The following HS3ST2 variants were observed in gnomAD, a reference collection of about 807,000 sequenced individuals.
HS3ST2 encodes heparan sulfate glucosamine 3-O-sulfotransferase 2.
A neutral mutation model predicts 26.3 loss-of-function variants in HS3ST2; 17 were observed. That is an observed-to-expected ratio of 0.65 (90% CI 0.44 to 0.97). HS3ST2 has a LOEUF of 0.97. HS3ST2 is among the 50% of genes least tolerant of loss of function. The probability of loss-of-function intolerance (pLI) is 0.00; values close to 1 mark genes in which losing one functional copy is unlikely to be tolerated. For missense variants in HS3ST2, 402 were observed against 501.2 expected, an observed-to-expected ratio of 0.80 and a Z score of 1.89; for synonymous variants, 237 against 219.2, an observed-to-expected ratio of 1.08 and a Z score of -0.72.
chr16:22,856,217 G>A (rs1244279429), intron 1 of HS3ST2, among the ~76,000 whole-genome samples: 1 of 152,156 alleles, frequency 6.6e-6, no homozygotes, highest in Non-Finnish European at 1.5e-5. Flanking sequence ...TACCTAAGGG[G>A]CCCAAGTTAC....
At chr16:22,889,368 T>C (rs1288216156) in intron 1 of HS3ST2, among the ~76,000 whole-genome samples, 1 of 152,178 alleles carries the variant, frequency 6.6e-6, no homozygotes, top group African/African-American at 2.4e-5. Context: ...TATTTAATCA[T>C]ATAAGTCATT....
intron 1 of HS3ST2, among the ~76,000 whole-genome samples, chr16:22,873,193 C>G (rs775967008): frequency 6.6e-6 from 1 of 152,186 alleles, no homozygotes; most frequent in Non-Finnish European, 1.5e-5. Flanking sequence ...AACTTCGGAG[C>G]TAGCAGAGTG....
At chr16:22,846,751 A>G (rs1253912142) in intron 1 of HS3ST2, among the ~76,000 whole-genome samples, 1 of 152,148 alleles carries the variant, frequency 6.6e-6, no homozygotes, top group Non-Finnish European at 1.5e-5. Flanking sequence ...AACCCCAGAG[A>G]TCCACTCCTA....
intron 1 of HS3ST2, among the ~76,000 whole-genome samples, chr16:22,842,648 C>T (rs1428564743): frequency 1.3e-5 from 2 of 152,122 alleles, no homozygotes; most frequent in Non-Finnish European, 2.9e-5. Flanking sequence ...AAATTCTCAG[C>T]CATCATCTTT....
chr16:22,826,361 T>G (rs2141176533), intron 1 of HS3ST2, among the ~76,000 whole-genome samples: 1 of 152,210 alleles, frequency 6.6e-6, no homozygotes, highest in South Asian at 2.1e-4. Context: ...GTCTGGCTAC[T>G]TCTCATCATG....
At chr16:22,835,269 A>G (rs913839867) in intron 1 of HS3ST2, among the ~76,000 whole-genome samples, 19 of 151,282 alleles carry the variant, frequency 1.3e-4, no homozygotes, top group Non-Finnish European at 2.1e-4. Flanking sequence ...CCTCTGAGGT[A>G]GAAGTTATAT....
intron 1 of HS3ST2, among the ~76,000 whole-genome samples, chr16:22,864,632 T>C (rs1901723160): frequency 6.6e-6 from 1 of 151,998 alleles, no homozygotes; most frequent in South Asian, 2.1e-4. Context: ...CCAGAGTATA[T>C]CTATCTTAGT....
At chr16:22,848,845 A>T (rs867455900) in intron 1 of HS3ST2, among the ~76,000 whole-genome samples, 1 of 152,182 alleles carries the variant, frequency 6.6e-6, no homozygotes, top group East Asian at 1.9e-4. Context: ...CTGACACCGT[A>T]CCATGCATGG....
intron 1 of HS3ST2, among the ~76,000 whole-genome samples, chr16:22,852,758 C>T (rs1040993506): frequency 6.6e-6 from 1 of 152,296 alleles, no homozygotes; most frequent in South Asian, 2.1e-4. Flanking sequence ...CTTGACTCTC[C>T]AGCCCTAAGG....
chr16:22,816,224 A>G (rs777981176), intron 1 of HS3ST2, among the ~76,000 whole-genome samples: 4 of 152,264 alleles, frequency 2.6e-5, no homozygotes, highest in African/African-American at 9.6e-5. Context: ...AAGACTTTCT[A>G]GAAACATCTG....
At chr16:22,845,824 C>G (rs111714108) in intron 1 of HS3ST2, among the ~76,000 whole-genome samples, 1 of 152,158 alleles carries the variant, frequency 6.6e-6, no homozygotes, top group Non-Finnish European at 1.5e-5. Flanking sequence ...GCAAATGCAA[C>G]TTCTGGTAAA....
At chr16:22,876,906 A>T (rs1302723347) in intron 1 of HS3ST2, among the ~76,000 whole-genome samples, 1 of 152,306 alleles carries the variant, frequency 6.6e-6, no homozygotes, top group East Asian at 1.9e-4. Flanking sequence ...GTATATTCTC[A>T]CTTATAAGTG....
At chr16:22,857,193 C>T (rs1233040895) in intron 1 of HS3ST2, among the ~76,000 whole-genome samples, 1 of 152,092 alleles carries the variant, frequency 6.6e-6, no homozygotes, top group African/African-American at 2.4e-5. Flanking sequence ...TTTCCTGGTG[C>T]TGAGTATAGT....
chr16:22,914,192 A>G (rs1902460131), intron 1 of HS3ST2, among the ~76,000 whole-genome samples: 1 of 151,626 alleles, frequency 6.6e-6, no homozygotes. Context: ...CTAATTCTGC[A>G]CTCACCTCAA....
intron 1 of HS3ST2, among the ~76,000 whole-genome samples, chr16:22,825,591 T>C (rs1388579742): frequency 6.6e-6 from 1 of 152,218 alleles, no homozygotes; most frequent in African/African-American, 2.4e-5. Flanking sequence ...GTATGTTATT[T>C]GGACCTCAAT....
chr16:22,904,704 A>G (rs1392698205), intron 1 of HS3ST2, among the ~76,000 whole-genome samples: 1 of 152,218 alleles, frequency 6.6e-6, no homozygotes, highest in Admixed American at 6.5e-5. Context: ...CAAATAATCT[A>G]GTCTAGCCAG....
chr16:22,915,445 A>C lies in HS3ST2; in HGVS notation c.987A>C (p.Ser329=). ...TCCTGCCTCGATGCTTGGGCAAATCAAAAGGGAGAACTCATGTACAGATTG... is the reference window on the plus strand; with the variant it reads ...TCCTGCCTCGATGCTTGGGCAAATCCAAAGGGAGAACTCATGTACAGATTG... ...SSLLPRCLGK[S]KGRTHVQIDP... The change falls in exon 2 of 2, where the codon TCA becomes TCC. Residue 329 remains serine, a synonymous_variant. Transcript: ENST00000261374. 6.2e-7 allele frequency: 1 copy of C among 1,614,096 alleles called. No homozygotes were observed. Among genetic ancestry groups the C allele is most frequent in the Non-Finnish European group, 8.5e-7 (1 of 1,180,018 alleles).
Position 22,814,746 on chromosome 16 carries a change from C to G in HS3ST2, c.136C>G (p.Arg46Gly). 2 of 1,608,058 alleles carry G rather than the reference C, an allele frequency of 1.2e-6. No homozygotes were observed. Among genetic ancestry groups the G allele is most frequent in the Non-Finnish European group, 1.7e-6 (2 of 1,178,122 alleles). The change falls in exon 1 of 2, where the codon CGG becomes GGG. Residue 46 changes from arginine to glycine, a missense_variant. This residue lies in a region of HS3ST2 where 165 missense variants were observed against 154.6 expected (regional missense o/e 1.07). Transcript: ENST00000261374. ...CCTGTGCTGCTGCGACGACCTGGGTCGGAGCCGCCTCCTCGGCGCGCCTCG... is the reference window on the plus strand; with the variant it reads ...CCTGTGCTGCTGCGACGACCTGGGTGGGAGCCGCCTCCTCGGCGCGCCTCG... ...SFLCCCDDLGRSRLLGAPRCL... is the reference protein window; with the variant it reads ...SFLCCCDDLGGSRLLGAPRCL...
chr16:22,871,460 T>C (rs1382541707), intron 1 of HS3ST2, among the ~76,000 whole-genome samples: 3 of 152,204 alleles, frequency 2.0e-5, no homozygotes, highest in Non-Finnish European at 1.5e-5. Flanking sequence ...TTGGCTAAGC[T>C]ACAATGTTTA....
Sources: gnomAD v4.1 joint callset for allele counts (sites outside exome capture counted in the v4.1 genomes callset) on GRCh38, gnomAD v4.1.1 for gene constraint, gnomAD v4.1.1 regional missense constraint, MANE v1.5 for transcripts, NCBI Gene and HGNC (gene_info 2026-07-23, HGNC 2026-07-21) for gene names.